Variants in UBAP2 observed in about 807,000 individuals in gnomAD.
UBAP2 encodes the protein ubiquitin-associated protein 2.
UBAP2 carries 75 observed loss-of-function variants against 139.6 expected under a neutral mutation model. That is an observed-to-expected ratio of 0.54 (90% CI 0.45 to 0.65). The LOEUF (loss-of-function observed/expected upper bound fraction) is 0.65. UBAP2 is among the 30% of genes least tolerant of loss of function. The pLI, the probability that UBAP2 is intolerant of heterozygous loss-of-function variation, is 0.00. For synonymous variants in UBAP2, 526 were observed against 526.2 expected, an observed-to-expected ratio of 1.00 and a Z score of 0.01; for missense variants, 1,368 against 1,369.6, an observed-to-expected ratio of 1.00 and a Z score of 0.02.
At chr9:34,000,073 G>A (rs1482337334) in intron 2 of UBAP2, among the ~76,000 whole-genome samples, 2 of 151,880 alleles carry the variant, frequency 1.3e-5, no homozygotes, top group African/African-American at 4.8e-5. Flanking sequence ...TCAGCCTCCT[G>A]AGTTGCTGGG....
At chr9:33,947,071 T>C (rs942596962) in intron 13 of UBAP2, among the ~76,000 whole-genome samples, 2 of 152,218 alleles carry the variant, frequency 1.3e-5, no homozygotes, top group African/African-American at 4.8e-5. Flanking sequence ...TCTAGGAATC[T>C]GTAATTTTGC....
intron 2 of UBAP2, among the ~76,000 whole-genome samples, chr9:34,008,273 G>A (rs563399705): frequency 2.7e-5 from 4 of 150,182 alleles, no homozygotes; most frequent in African/African-American, 7.4e-5. Flanking sequence ...AGCTAAGATC[G>A]CGCCATTGCA....
intron 6 of UBAP2, among the ~76,000 whole-genome samples, chr9:33,978,148 C>T (rs1334868797): frequency 6.6e-6 from 1 of 151,540 alleles, no homozygotes; most frequent in Non-Finnish European, 1.5e-5. Flanking sequence ...CCTATCTGTT[C>T]AGTAACTGAT....
chr9:34,008,353 G>A (rs920498807), intron 2 of UBAP2, among the ~76,000 whole-genome samples: 4 of 149,056 alleles, frequency 2.7e-5, no homozygotes, highest in African/African-American at 9.8e-5. Context: ...CACAGAAAAT[G>A]AGTAATTTTG....
intron 19 of UBAP2, chr9:33,928,497 G>A (rs1384654419): frequency 6.5e-6 from 1 of 153,534 alleles, no homozygotes; most frequent in Non-Finnish European, 1.4e-5. Context: ...GGAAACAGGA[G>A]GCTGAGAGAG....
chr9:33,957,287 A>C (rs1826650618), intron 10 of UBAP2, among the ~76,000 whole-genome samples: 1 of 152,182 alleles, frequency 6.6e-6, no homozygotes, highest in Non-Finnish European at 1.5e-5. Context: ...GCAAATATTC[A>C]AACCAAATAA....
chr9:33,948,400 G>C lies in UBAP2; in HGVS notation c.1244C>G (p.Ser415Cys). 1.2e-6 allele frequency: 2 copies of C among 1,613,212 alleles called. No individual in the cohort carries two copies. Among genetic ancestry groups the C allele is most frequent in the Non-Finnish European group, 1.7e-6 (2 of 1,179,312 alleles). ...TTSWDLKPPT[S>C]QSSVLSHLDF... ...AAGATGACTGAGGACTGAGGACTGG[G>C]ATGTTGGGGGCTTGAGGTCCCAAGA... Residue 415 changes from serine to cysteine, a missense_variant, in exon 13 of 29, where the codon TCC (serine) becomes TGC (cysteine). Coordinates refer to ENST00000379238, the MANE Select transcript of UBAP2 (RefSeq NM_001370062.2).
At position 33,948,393 on chromosome 9, in the gene UBAP2, G is replaced by A. The variant is rs1287134071; in HGVS notation, c.1251C>T (p.Ser417=). 3.1e-6 allele frequency: 5 copies of A among 1,612,786 alleles called. No individual in the cohort carries two copies. Among genetic ancestry groups the A allele is most frequent in the Admixed American group, 1.7e-5 (1 of 59,982 alleles). ...SWDLKPPTSQ[S]SVLSHLDFKS... ...ACCTACCAAGATGACTGAGGACTGA[G>A]GACTGGGATGTTGGGGGCTTGAGGT... is the stretch of plus-strand genomic sequence containing the variant. Residue 417 remains serine, a synonymous_variant, in exon 13 of 29, where the codon TCC becomes TCT. Coordinates refer to ENST00000379238, the MANE Select transcript of UBAP2 (RefSeq NM_001370062.2).
chr9:33,944,439 T>C lies in UBAP2; in HGVS notation c.1471A>G (p.Ile491Val). 1 of 1,614,166 alleles carries C rather than the reference T, an allele frequency of 6.2e-7. No homozygotes were observed. The highest frequency in any genetic ancestry group is 8.5e-7 in the Non-Finnish European group (1 of 1,180,030). ...LQLPSTTIENISVSVHQPQPK... is the reference protein window; with the variant it reads ...LQLPSTTIENVSVSVHQPQPK... The stretch of plus-strand genomic sequence containing the variant: ...TGTGGCTGGTGGACAGACACAGAGA[T>C]ATTTTCAATGGTCGTGCTGGGAAGC... The change falls in exon 14 of 29, where the codon ATC (isoleucine) becomes GTC (valine). Residue 491 changes from isoleucine to valine, a missense_variant. Ile to Val is a conservative substitution (Grantham distance 29). Coordinates refer to ENST00000379238, the MANE Select transcript of UBAP2 (RefSeq NM_001370062.2).
At chr9:33,926,710 C>G in intron 21 of UBAP2, 46 bp from the exon 22 acceptor site, 1 of 1,606,660 alleles carries the variant, frequency 6.2e-7, no homozygotes, top group Non-Finnish European at 8.5e-7. Flanking sequence ...CATACCACAC[C>G]CTGGGAAGCC....
chr9:34,029,441 A>G (rs967207294), intron 1 of UBAP2, among the ~76,000 whole-genome samples: 1 of 151,868 alleles, frequency 6.6e-6, no homozygotes, highest in Non-Finnish European at 1.5e-5. Flanking sequence ...AGGCAGGAGA[A>G]TTGCTTGAAC....
rs1354740175 is a variant in UBAP2 at position 33,981,283 on chromosome 9, GAT to G, written c.520+5475_520+5476del. 3.1e-4 allele frequency among the ~76,000 whole-genome samples: 21 copies of G among 67,176 alleles called. 1 individual carries two copies. Among genetic ancestry groups the G allele is most frequent in the South Asian group, 1.9e-3 (3 of 1,550 alleles). 44.1% of individuals were successfully genotyped at this position (67,176 alleles called of 152,430 possible). A position where few individuals can be genotyped will look rare whatever the true frequency, so the allele number is the denominator to read the frequency against. ...ATTCTGGATATATATATATATTCTG[GAT>G]ATATATATATATTCTGGATATATAT... On this transcript the variant is annotated intron_variant, in intron 6 of 28. Coordinates refer to ENST00000379238, the MANE Select transcript of UBAP2 (RefSeq NM_001370062.2).
chr9:33,957,322 C>A (rs534880441), intron 10 of UBAP2, among the ~76,000 whole-genome samples: 224 of 152,138 alleles, frequency 1.5e-3, no homozygotes, highest in African/African-American at 5.2e-3. Context: ...CATACATAGG[C>A]CCCCATGAAA....
chr9:33,935,260 A>G (rs1824381511), intron 17 of UBAP2: 1 of 150,850 alleles, frequency 6.6e-6, no homozygotes, highest in Non-Finnish European at 1.5e-5. Flanking sequence ...CAATGAGCCT[A>G]TCTTTCCTGA....
Position 33,989,033 on chromosome 9 carries a change from A to C in UBAP2, c.382T>G (p.Ser128Ala), listed in dbSNP as rs947636253. Residue 128 changes from serine (S) to alanine (A), a missense_variant, in exon 5 of 29, where the codon TCG becomes GCG. Transcript: ENST00000379238. ...TTGTTGTTTCCACGTCCACGACTCG[A>C]TTCTTTCTCGCTTTTCTTCTCTCTA... The part of the protein sequence containing the change: ...ENREKKSEKE[S>A]SRGRGNNNRK... 35 of 1,613,440 alleles carry C rather than the reference A, an allele frequency of 2.2e-5. No individual in the cohort carries two copies. Among genetic ancestry groups the C allele is most frequent in the Non-Finnish European group, 2.7e-5 (32 of 1,179,866 alleles).
chr9:33,999,549 CT>C (rs1822508311), intron 2 of UBAP2, among the ~76,000 whole-genome samples: 1 of 152,008 alleles, frequency 6.6e-6, no homozygotes. Flanking sequence ...GTTACATTAT[CT>C]TTTTTATACA....
rs917128003 is a variant in UBAP2 at position 34,044,163 on chromosome 9, C to T, written c.-42+4662G>A. ...CTGTAATCCCAGCACTTTGGGAGGC[C>T]GAGGCGGGCAGATCACACACGAGGT... On this transcript the variant is annotated intron_variant, in intron 1 of 28. Coordinates refer to ENST00000379238, the MANE Select transcript of UBAP2 (RefSeq NM_001370062.2). Among the ~76,000 whole-genome samples the T allele has an allele frequency of 1.0e-4, 15 of 150,690 alleles. 1 individual carries two copies. Among genetic ancestry groups the T allele is most frequent in the African/African-American group, 3.7e-4 (15 of 40,856 alleles).
At position 33,943,477 on chromosome 9, in the gene UBAP2, G is replaced by A. The variant is rs1225358581; in HGVS notation, c.1658C>T (p.Ala553Val). 1.9e-6 allele frequency: 3 copies of A among 1,614,086 alleles called. No individual in the cohort carries two copies. Among genetic ancestry groups the A allele is most frequent in the South Asian group, 2.2e-5 (2 of 91,096 alleles). ...SEPSLSEFGS[A>V]PSSENSNQIP... The stretch of plus-strand genomic sequence containing the variant: ...CTGATTACTATTTTCACTGCTTGGA[G>A]CTGATCCAAATTCAGAGAGAGAAGG... Residue 553 changes from alanine (A) to valine (V), a missense_variant, in exon 15 of 29, where the codon GCT becomes GTT. Coordinates refer to ENST00000379238, the MANE Select transcript of UBAP2 (RefSeq NM_001370062.2).
chr9:33,922,792 C>T lies in UBAP2; in HGVS notation c.3159G>A (p.Ser1053=), dbSNP rs752143649. ...SVLGSTGPLA[S]GAAPGYAPPP... ...GGGGTGCATAGCCAGGGGCCGCTCCCGAGGCCAGGGGCCCAGTGGAGCCCA... is the reference window on the plus strand; with the variant it reads ...GGGGTGCATAGCCAGGGGCCGCTCCTGAGGCCAGGGGCCCAGTGGAGCCCA... The change falls in exon 28 of 29, where the codon TCG becomes TCA. Residue 1053 remains serine, a synonymous_variant. Coordinates refer to ENST00000379238, the MANE Select transcript of UBAP2 (RefSeq NM_001370062.2). 22 of 1,561,786 alleles carry T rather than the reference C, an allele frequency of 1.4e-5. No homozygotes were observed. Among genetic ancestry groups the T allele is most frequent in the African/African-American group, 4.1e-5 (3 of 73,322 alleles).
Sources: gnomAD v4.1 joint callset for allele counts (sites outside exome capture counted in the v4.1 genomes callset) on GRCh38, gnomAD v4.1.1 for gene constraint, MANE v1.5 for transcripts, NCBI Gene and HGNC (gene_info 2026-07-23, HGNC 2026-07-21) for gene names.